Variants in CYRIB observed in about 807,000 individuals in gnomAD.
CYRIB encodes CYFIP-related Rac1 interactor B.
In CYRIB, 8 loss-of-function variants were observed where a neutral mutation model predicts 44.2. That is an observed-to-expected ratio of 0.18 (90% CI 0.11 to 0.33). The LOEUF (loss-of-function observed/expected upper bound fraction) is 0.33. Among genes scored for constraint, CYRIB ranks in the 10% least tolerant of loss-of-function variants. CYRIB has a pLI of 1.00. For missense variants in CYRIB, 185 were observed against 382.8 expected, an observed-to-expected ratio of 0.48 and a Z score of 4.31; for synonymous variants, 131 against 127.2, an observed-to-expected ratio of 1.03 and a Z score of -0.20.
At chr8:129,967,959 C>T (rs1301464579) in intron 2 of CYRIB, among the ~76,000 whole-genome samples, 1 of 152,192 alleles carries the variant, frequency 6.6e-6, no homozygotes, top group Non-Finnish European at 1.5e-5. Flanking sequence ...TTAGTGCCTA[C>T]TCTTGGTGAT....
chr8:129,899,917 A>C (rs905412186), intron 2 of CYRIB, among the ~76,000 whole-genome samples: 5 of 152,188 alleles, frequency 3.3e-5, no homozygotes, highest in Non-Finnish European at 7.3e-5. Context: ...TATCAGGCAT[A>C]CAAGTGTGAG....
At chr8:130,002,983 C>T (rs1285969140) in intron 1 of CYRIB, among the ~76,000 whole-genome samples, 1 of 152,232 alleles carries the variant, frequency 6.6e-6, no homozygotes, top group African/African-American at 2.4e-5. Flanking sequence ...GTGGTCCCAG[C>T]TTCTGCCTCT....
chr8:129,939,010 A>C (rs2093308421), intron 1 of CYRIB, among the ~76,000 whole-genome samples: 1 of 152,204 alleles, frequency 6.6e-6, no homozygotes, highest in South Asian at 2.1e-4. Flanking sequence ...CTGATCATTA[A>C]TTAAAAGGAC....
At chr8:129,924,314 G>GGGGGGGGGGGA (rs1554645242) in intron 1 of CYRIB, among the ~76,000 whole-genome samples, 1 of 34,940 alleles carries the variant, frequency 2.9e-5, no homozygotes, top group Non-Finnish European at 5.1e-5. Context: ...GGTGGCGGGG[G>GGGGGGGGGGGA]GGGTGTTACT....
rs142833118 is a variant in CYRIB at position 129,925,281 on chromosome 8, T to C, written c.-50+14327A>G. Reference sequence around the variant, plus strand: ...GGCATGGTGGTGTGTACCTGTAGTCTCAGCCACTCAGGAGGCTGAGGCACG... The same window carrying C: ...GGCATGGTGGTGTGTACCTGTAGTCCCAGCCACTCAGGAGGCTGAGGCACG... On this transcript the variant is annotated intron_variant, in intron 1 of 11. Coordinates refer to ENST00000519824, the Ensembl canonical transcript of CYRIB. 4.5e-4 allele frequency among the ~76,000 whole-genome samples: 69 copies of C among 152,196 alleles called. No homozygotes were observed. In the South Asian group the frequency reaches 1.0e-2, roughly 22 times the overall value.
At chr8:129,905,145 T>C (rs2074547432) in intron 1 of CYRIB, among the ~76,000 whole-genome samples, 1 of 152,202 alleles carries the variant, frequency 6.6e-6, no homozygotes, top group Admixed American at 6.5e-5. Flanking sequence ...TGTCTACAAT[T>C]TATTTTTTAA....
intron 2 of CYRIB, among the ~76,000 whole-genome samples, chr8:129,967,323 C>A (rs1185373443): frequency 6.6e-6 from 1 of 151,690 alleles, no homozygotes; most frequent in Non-Finnish European, 1.5e-5. Context: ...GGCTTCTTTT[C>A]TTTTCTTTCT....
chr8:130,015,571 G>GCAGGGTGGGTA (rs2097323597), intron 1 of CYRIB, among the ~76,000 whole-genome samples: 1 of 152,166 alleles, frequency 6.6e-6, no homozygotes, highest in Non-Finnish European at 1.5e-5. Context: ...ACCTCTTGCA[G>GCAGGGTGGGTA]CAGGGTGGGT....
exon 12 of CYRIB, chr8:129,842,056 T>C (rs1393345996): frequency 1.3e-5 from 11 of 844,936 alleles, no homozygotes; most frequent in African/African-American, 3.4e-5. Flanking sequence ...ATAAATGAGA[T>C]AGTAATTGCA....
At chr8:129,874,089 G>A (rs952615480) in intron 3 of CYRIB, among the ~76,000 whole-genome samples, 9 of 151,726 alleles carry the variant, frequency 5.9e-5, no homozygotes, top group African/African-American at 9.7e-5. Flanking sequence ...TTCAAAAAAC[G>A]GTACTATATA....
intron 1 of CYRIB, among the ~76,000 whole-genome samples, chr8:129,923,553 G>A (rs187010753): frequency 8.5e-5 from 13 of 152,192 alleles, no homozygotes; most frequent in African/African-American, 2.6e-4. Flanking sequence ...GGGATTACAG[G>A]TGTGAGTCAC....
At chr8:129,902,471 C>T (rs537209483) in intron 2 of CYRIB, among the ~76,000 whole-genome samples, 9 of 152,084 alleles carry the variant, frequency 5.9e-5, no homozygotes, top group Non-Finnish European at 1.0e-4. Flanking sequence ...CCACCCACCT[C>T]GGCCTCCCAA....
intron 1 of CYRIB, among the ~76,000 whole-genome samples, chr8:129,913,881 C>A (rs143346348): frequency 6.6e-6 from 1 of 152,130 alleles, no homozygotes. Context: ...ATTGTATAGA[C>A]CATAACCATA....
At chr8:129,889,960 G>T (rs2064461088) in intron 2 of CYRIB, among the ~76,000 whole-genome samples, 2 of 152,054 alleles carry the variant, frequency 1.3e-5, no homozygotes, top group Admixed American at 1.3e-4. Flanking sequence ...TTTTAGTAGA[G>T]ATAGGGTTTC....
chr8:129,952,596 T>G (rs1489551765), intron 2 of CYRIB, among the ~76,000 whole-genome samples: 2 of 152,136 alleles, frequency 1.3e-5, no homozygotes, highest in African/African-American at 4.8e-5. Flanking sequence ...ACCATTTTGT[T>G]TGTCCAAAAA....
Position 130,009,427 on chromosome 8 carries a change from C to T in CYRIB, c.-296+6943G>A, listed in dbSNP as rs576590640. ...GGATTACAGGTGCCAGCCAACACGCCCAGCTAATTTTTGTATTTTTAGTAG... is the reference window on the plus strand; with the variant it reads ...GGATTACAGGTGCCAGCCAACACGCTCAGCTAATTTTTGTATTTTTAGTAG... On this transcript the variant is annotated intron_variant, in intron 1 of 14. Transcript: ENST00000401979. Among the ~76,000 whole-genome samples, 6 of 152,162 alleles carry T rather than the reference C, an allele frequency of 3.9e-5. No homozygotes were observed. In the South Asian group the frequency reaches 8.3e-4, roughly 21 times the overall value.
intron 2 of CYRIB, among the ~76,000 whole-genome samples, chr8:129,967,385 T>C (rs1408010100): frequency 6.6e-6 from 1 of 151,766 alleles, no homozygotes; most frequent in Admixed American, 6.6e-5. Flanking sequence ...TTTTGTTTTT[T>C]TGTTTTTTTT....
At chr8:129,893,665 C>G (rs963871448) in intron 2 of CYRIB, among the ~76,000 whole-genome samples, 5 of 152,092 alleles carry the variant, frequency 3.3e-5, no homozygotes, top group African/African-American at 9.7e-5. Context: ...CAACTTTCCT[C>G]CCCTCCTCTC....
At position 129,998,666 on chromosome 8, in the gene CYRIB, C is replaced by G. The variant is rs1162178040; in HGVS notation, c.-296+17704G>C. On this transcript the variant is annotated intron_variant, in intron 1 of 14. Transcript: ENST00000401979. ...TTTTTTTTTTAGATGAATTCTTGCT[C>G]TGTCGTCCAGGGTGGAGTGCAGTGG... Among the ~76,000 whole-genome samples, 3 of 150,096 alleles carry G rather than the reference C, an allele frequency of 2.0e-5. No homozygotes were observed. The East Asian group carries it at 5.9e-4, about 29-fold the overall frequency.
Sources: allele counts gnomAD v4.1 joint callset (sites outside exome capture counted in the v4.1 genomes callset), GRCh38; gene constraint gnomAD v4.1.1; transcripts MANE v1.5; gene names NCBI Gene and HGNC (gene_info 2026-07-23, HGNC 2026-07-21).